The following ZMYND19 variants were observed in gnomAD, a reference collection of about 807,000 sequenced individuals.
ZMYND19 encodes zinc finger MYND domain-containing protein 19.
ZMYND19 carries 17 observed loss-of-function variants against 32.0 expected under a neutral mutation model. That is an observed-to-expected ratio of 0.53 (90% CI 0.36 to 0.80). The LOEUF (loss-of-function observed/expected upper bound fraction) is 0.80, where lower values mean the gene tolerates loss of function less well. Ranked by LOEUF, ZMYND19 falls within the 30% of genes least tolerant of loss-of-function variation. The pLI is 0.00. For synonymous variants in ZMYND19, 124 were observed against 113.6 expected (o/e 1.09, Z -0.58); for missense variants, 250 against 293.6 (o/e 0.85, Z 1.09).
chr9:137,583,189 G>C, intron 4 of ZMYND19, 26 bp from the exon 5 acceptor site: 1 of 1,610,306 alleles, frequency 6.2e-7, no homozygotes, highest in Non-Finnish European at 8.5e-7. Flanking sequence ...AGACACTTGA[G>C]TGCACTCTGG....
chr9:137,590,331 G>A lies in ZMYND19; in HGVS notation c.-68C>T. 1 of 972,696 alleles carries A rather than the reference G, an allele frequency of 1.0e-6. No individual in the cohort carries two copies. Among genetic ancestry groups the A allele is most frequent in the South Asian group, 4.4e-5 (1 of 22,516 alleles). The allele number at this position is 972,696 out of a possible 1,614,324, so 60.3% of individuals were successfully genotyped here. ...AGGCGCCGAGCGGGGGCCGGGGCGA[G>A]GCCGCGGCGCGCCGGGACAGGACGG... On this transcript the variant is annotated 5_prime_UTR_variant, in exon 1 of 6. Coordinates refer to ENST00000298585, the MANE Select transcript of ZMYND19 (RefSeq NM_138462.3). This position sits in a 1 kb window ranked among gnomAD's most constrained non-coding sequence, Gnocchi z 4.2.
At chr9:137,587,146 C>T (rs1274229576) in intron 3 of ZMYND19, 39 bp from the exon 4 acceptor site, 4 of 1,592,134 alleles carry the variant, frequency 2.5e-6, no homozygotes, top group Non-Finnish European at 3.4e-6. Context: ...AACCCTGCAT[C>T]GCTGCCTCCC....
chr9:137,586,447 C>T (rs1350213029), intron 4 of ZMYND19, among the ~76,000 whole-genome samples: 2 of 148,574 alleles, frequency 1.3e-5, no homozygotes, highest in Non-Finnish European at 3.0e-5. Context: ...GGAAGGAATC[C>T]CGAGGTGAGG....
At chr9:137,589,681 G>C (rs115062061) in intron 1 of ZMYND19, 6 of 985,462 alleles carry the variant, frequency 6.1e-6, no homozygotes, top group Non-Finnish European at 7.2e-6. Flanking sequence ...CTGAGGCTCA[G>C]CCTAACGTGG....
At chr9:137,588,623 C>G (rs765634125) in intron 2 of ZMYND19, 36 bp downstream of exon 2, 18 of 1,612,456 alleles carry the variant, frequency 1.1e-5, no homozygotes, top group Non-Finnish European at 1.4e-5. Flanking sequence ...GCACTGACCA[C>G]GAGCATCAGG....
chr9:137,589,259 C>T, intron 1 of ZMYND19: 2 of 876,448 alleles, frequency 2.3e-6, no homozygotes, highest in Non-Finnish European at 2.7e-6. Flanking sequence ...GACTGGAGAG[C>T]CCACCCTTCC....
At chr9:137,587,459 C>A in intron 3 of ZMYND19, 1 of 594,342 alleles carries the variant, frequency 1.7e-6, no homozygotes, top group East Asian at 2.8e-5. Context: ...CAAAACCCAG[C>A]AAGGGGAGCA....
intron 3 of ZMYND19, 128 bp from the exon 4 acceptor site, chr9:137,587,235 G>T (rs1372218207): frequency 6.9e-7 from 1 of 1,444,882 alleles, no homozygotes; most frequent in Non-Finnish European, 9.2e-7. Context: ...TCGGGCCCCT[G>T]GTCCTTTGGA....
At chr9:137,589,640 G>A in intron 1 of ZMYND19, 6 of 985,474 alleles carry the variant, frequency 6.1e-6, no homozygotes, top group Non-Finnish European at 6.0e-6. Flanking sequence ...TGCAGCATCA[G>A]GGCCCAGGCT....
chr9:137,590,310 G>T lies in ZMYND19; in HGVS notation c.-47C>A. The T allele has an allele frequency of 2.0e-6, 2 of 1,025,094 alleles. No homozygotes were observed. The highest frequency in any genetic ancestry group is 2.3e-6 in the Non-Finnish European group (2 of 856,200). 63.5% of individuals were successfully genotyped at this position (1,025,094 alleles called of 1,614,324 possible). On this transcript the variant is annotated 5_prime_UTR_variant, in exon 1 of 6. Transcript: ENST00000298585. The surrounding 1 kb of genome is among the most constrained non-coding windows in gnomAD (Gnocchi z 4.2). The stretch of plus-strand genomic sequence containing the variant: ...CGGCAGCGCCGCTCCCTCGGGAGGC[G>T]CCGAGCGGGGGCCGGGGCGAGGCCG...
chr9:137,583,797 G>T (rs565637214), intron 4 of ZMYND19, among the ~76,000 whole-genome samples: 194 of 152,260 alleles, frequency 1.3e-3, no homozygotes, highest in Non-Finnish European at 2.1e-3. Flanking sequence ...TGTTGGTGAG[G>T]TCCCACCAGA....
At chr9:137,585,343 T>G (rs1588973072) in intron 4 of ZMYND19, among the ~76,000 whole-genome samples, 1 of 143,644 alleles carries the variant, frequency 7.0e-6, no homozygotes, top group East Asian at 2.1e-4. Flanking sequence ...TTGCTTGAAC[T>G]GGGCAGGCAG....
Position 137,587,709 on chromosome 9 carries a change from A to G in ZMYND19, c.218+8T>C. On this transcript the variant is annotated splice_region_variant and intron_variant, in intron 3 of 5. Coordinates refer to ENST00000298585, the MANE Select transcript of ZMYND19 (RefSeq NM_138462.3). ...GGCGGGGGGCAGAGACAGCTTGGAAACACCCACCACAGCAGCTCATGAAGG... is the reference window on the plus strand; with the variant it reads ...GGCGGGGGGCAGAGACAGCTTGGAAGCACCCACCACAGCAGCTCATGAAGG... The G allele has an allele frequency of 6.2e-7, 1 of 1,613,510 alleles. No individual in the cohort carries two copies. The highest frequency in any genetic ancestry group is 1.1e-5 in the South Asian group (1 of 91,076).
chr9:137,587,205 A>C, intron 3 of ZMYND19, 98 bp from the exon 4 acceptor site: 1 of 1,533,288 alleles, frequency 6.5e-7, no homozygotes, highest in Non-Finnish European at 8.7e-7. Flanking sequence ...CCAGGAAGAA[A>C]TGTCAGCCAT....
At position 137,590,285 on chromosome 9, in the gene ZMYND19, C is replaced by T; in HGVS notation, c.-22G>A. 1 of 1,065,136 alleles carries T rather than the reference C, an allele frequency of 9.4e-7. No individual in the cohort carries two copies. The highest frequency in any genetic ancestry group is 1.1e-6 in the Non-Finnish European group (1 of 878,912). The allele number at this position is 1,065,136 out of a possible 1,614,324, so 66.0% of individuals were successfully genotyped here. A position where few individuals can be genotyped will look rare whatever the true frequency, so the allele number is the denominator to read the frequency against. The stretch of plus-strand genomic sequence containing the variant: ...TCATGGCCGGGCCTGCGCTCTCGGC[C>T]GGCAGCGCCGCTCCCTCGGGAGGCG... On this transcript the variant is annotated 5_prime_UTR_variant, in exon 1 of 6. Transcript: ENST00000298585. This position sits in a 1 kb window ranked among gnomAD's most constrained non-coding sequence, Gnocchi z 4.2.
intron 4 of ZMYND19, among the ~76,000 whole-genome samples, chr9:137,586,704 C>T (rs952381025): frequency 6.6e-6 from 1 of 152,214 alleles, no homozygotes; most frequent in Non-Finnish European, 1.5e-5. Flanking sequence ...CCCTTCTCCC[C>T]ACTGTCATGC....
intron 1 of ZMYND19, chr9:137,589,327 A>G (rs1359494420): frequency 6.5e-5 from 64 of 985,160 alleles, no homozygotes; most frequent in Non-Finnish European, 7.4e-5. Flanking sequence ...CAGCAGGGGC[A>G]GGAAACAGGA....
At chr9:137,584,786 G>C (rs947903318) in intron 4 of ZMYND19, among the ~76,000 whole-genome samples, 1 of 152,180 alleles carries the variant, frequency 6.6e-6, no homozygotes, top group African/African-American at 2.4e-5. Context: ...ACTAGAACAG[G>C]GTGCCTGCTT....
At chr9:137,587,663 G>A in intron 3 of ZMYND19, 54 bp downstream of exon 3, 1 of 1,545,216 alleles carries the variant, frequency 6.5e-7, no homozygotes, top group Non-Finnish European at 8.9e-7. Flanking sequence ...TGTGCCATCG[G>A]AGCTCACCCA....
Sources: allele counts gnomAD v4.1 joint callset (sites outside exome capture counted in the v4.1 genomes callset), GRCh38; gene constraint gnomAD v4.1.1; non-coding constraint Gnocchi (gnomAD v3.1); transcripts MANE v1.5; gene names NCBI Gene and HGNC (gene_info 2026-07-23, HGNC 2026-07-21).